Variants in ULK4 observed in about 807,000 individuals in gnomAD.
The protein encoded by ULK4 is unc-51 like kinase 4, also known as inactive serine/threonine-protein kinase ULK4.
Under a neutral mutation model 160.6 loss-of-function variants are expected in ULK4, and 133 were observed. The observed-to-expected ratio is 0.83, with a 90% confidence interval of 0.72 to 0.96. The LOEUF is 0.96. Ranked by LOEUF, ULK4 falls within the 40% of genes least tolerant of loss-of-function variation. ULK4 has a pLI of 0.00. For synonymous variants in ULK4, 534 were observed against 539.8 expected (o/e 0.99, Z 0.15); for missense variants, 1,580 against 1,499.5 (o/e 1.05, Z -0.89).
At chr3:41,708,860 C>T (rs1200035107) in intron 25 of ULK4, among the ~76,000 whole-genome samples, 2 of 152,090 alleles carry the variant, frequency 1.3e-5, no homozygotes, top group Non-Finnish European at 2.9e-5. Context: ...GTATACAATT[C>T]TTATTCATCA....
chr3:41,638,125 G>C (rs904790384), intron 30 of ULK4, among the ~76,000 whole-genome samples: 3 of 152,100 alleles, frequency 2.0e-5, no homozygotes, highest in African/African-American at 7.2e-5. Context: ...AGTGGTGTAC[G>C]AAAGTACATA....
intron 30 of ULK4, among the ~76,000 whole-genome samples, chr3:41,627,392 A>G (rs1338392257): frequency 6.6e-6 from 1 of 152,110 alleles, no homozygotes; most frequent in Non-Finnish European, 1.5e-5. Flanking sequence ...TGCAGTTTTT[A>G]TCTACTCATA....
intron 22 of ULK4, among the ~76,000 whole-genome samples, chr3:41,736,527 T>C (rs1211791927): frequency 6.6e-6 from 1 of 151,974 alleles, no homozygotes; most frequent in Non-Finnish European, 1.5e-5. Context: ...TCGCCCACTT[T>C]GTGATGGGGT....
chr3:41,558,836 G>C (rs13069172), intron 32 of ULK4, among the ~76,000 whole-genome samples: 65,181 of 151,482 alleles, frequency 0.43, 15,301 homozygotes, highest in Middle Eastern at 0.55. Flanking sequence ...TCATATTTCT[G>C]TGAAGAACTC....
intron 19 of ULK4, among the ~76,000 whole-genome samples, chr3:41,818,729 T>C (rs1053735094): frequency 6.6e-6 from 1 of 152,198 alleles, no homozygotes; most frequent in African/African-American, 2.4e-5. Context: ...TCCTGATATA[T>C]CTTTCTCATT....
intron 18 of ULK4, among the ~76,000 whole-genome samples, chr3:41,822,388 T>C (rs951954782): frequency 2.2e-4 from 34 of 152,174 alleles, no homozygotes; most frequent in African/African-American, 8.0e-4. Context: ...TTTTTTTTGT[T>C]TCATTTTGTT....
At chr3:41,447,471 C>A (rs1042827673) in intron 34 of ULK4, among the ~76,000 whole-genome samples, 5 of 152,064 alleles carry the variant, frequency 3.3e-5, no homozygotes, top group Admixed American at 3.3e-4. Flanking sequence ...ATTAAAAAAA[C>A]ATATTGCTAC....
intron 17 of ULK4, among the ~76,000 whole-genome samples, chr3:41,846,705 T>G (rs1479990159): frequency 6.6e-6 from 1 of 150,412 alleles, no homozygotes; most frequent in Non-Finnish European, 1.5e-5. Flanking sequence ...CTGGGGAGGC[T>G]GAGACAGGAG....
chr3:41,674,103 T>A (rs1559476885), intron 29 of ULK4, among the ~76,000 whole-genome samples: 1 of 152,204 alleles, frequency 6.6e-6, no homozygotes, highest in African/African-American at 2.4e-5. Flanking sequence ...CACGATACAG[T>A]ACTAATACAA....
intron 2 of ULK4, among the ~76,000 whole-genome samples, chr3:41,942,460 A>G (rs1205817349): frequency 1.3e-5 from 2 of 152,196 alleles, no homozygotes; most frequent in African/African-American, 4.8e-5. Context: ...CAGAGGTTGC[A>G]GTGAGCCTAG....
intron 35 of ULK4, among the ~76,000 whole-genome samples, chr3:41,251,645 TC>T (rs745501662): frequency 6.6e-6 from 1 of 152,212 alleles, no homozygotes; most frequent in Non-Finnish European, 1.5e-5. Flanking sequence ...ATTGCTTTGC[TC>T]TTTTTTCTCC....
chr3:41,478,612 G>C lies in ULK4; in HGVS notation c.3227-15359C>G, dbSNP rs185911899. The stretch of plus-strand genomic sequence containing the variant: ...ATTTTTGCTGCATGGCCAAAAAGAA[G>C]TCCAAGTTACATACTTGAGAGTGAA... On this transcript the variant is annotated intron_variant, in intron 32 of 36. Transcript: ENST00000301831. Among the ~76,000 whole-genome samples the C allele has an allele frequency of 3.0e-3, 450 of 152,298 alleles. 4 individuals carry two copies. The highest frequency in any genetic ancestry group is 9.5e-3 in the African/African-American group (393 of 41,558).
intron 30 of ULK4, among the ~76,000 whole-genome samples, chr3:41,641,939 G>A (rs1254481293): frequency 2.7e-5 from 4 of 148,818 alleles, no homozygotes; most frequent in Non-Finnish European, 4.4e-5. Context: ...GCAATGGCGT[G>A]ATCTCGGCTC....
chr3:41,415,919 G>T (rs893644525), intron 34 of ULK4, among the ~76,000 whole-genome samples: 5 of 152,162 alleles, frequency 3.3e-5, no homozygotes, highest in African/African-American at 1.2e-4. Context: ...AGCAAAAGAA[G>T]AATGAGAAAA....
chr3:41,951,747 C>A (rs1444596019), intron 2 of ULK4, among the ~76,000 whole-genome samples: 1 of 152,174 alleles, frequency 6.6e-6, no homozygotes, highest in African/African-American at 2.4e-5. Flanking sequence ...GGAGGTGGAA[C>A]CTTTAGGAGG....
chr3:41,873,760 T>C (rs1697201420), intron 17 of ULK4, among the ~76,000 whole-genome samples: 2 of 152,092 alleles, frequency 1.3e-5, no homozygotes, highest in South Asian at 4.1e-4. Flanking sequence ...ACCATATTGG[T>C]TAGGATGGTC....
intron 35 of ULK4, among the ~76,000 whole-genome samples, chr3:41,304,735 T>C (rs540731312): frequency 1.3e-5 from 2 of 152,234 alleles, no homozygotes; most frequent in Non-Finnish European, 2.9e-5. Flanking sequence ...GCCCTGTTTC[T>C]GCTTCATAAT....
intron 32 of ULK4, among the ~76,000 whole-genome samples, chr3:41,503,346 A>G (rs973844988): frequency 3.9e-5 from 6 of 152,208 alleles, no homozygotes; most frequent in Non-Finnish European, 8.8e-5. Context: ...CTAACTGGTG[A>G]CCCCAAGGGC....
At chr3:41,598,564 G>A (rs2031845337) in intron 31 of ULK4, among the ~76,000 whole-genome samples, 1 of 152,086 alleles carries the variant, frequency 6.6e-6, no homozygotes, top group Non-Finnish European at 1.5e-5. Flanking sequence ...TAAATCATGT[G>A]GGAACAGCAT....
Sources: gnomAD v4.1 joint callset for allele counts (sites outside exome capture counted in the v4.1 genomes callset) on GRCh38, gnomAD v4.1.1 for gene constraint, MANE v1.5 for transcripts, NCBI Gene and HGNC (gene_info 2026-07-23, HGNC 2026-07-21) for gene names.